Variants in FGF12 observed in about 807,000 individuals in gnomAD.
FGF12 encodes fibroblast growth factor 12B.
Under a neutral mutation model 23.6 loss-of-function variants are expected in FGF12, and 14 were observed. The observed-to-expected ratio is 0.59, with a 90% CI of 0.39 to 0.93. The LOEUF (loss-of-function observed/expected upper bound fraction) is 0.93. Among genes scored for constraint, FGF12 ranks in the 40% least tolerant of loss-of-function variants. FGF12 has a pLI of 0.00. For synonymous variants in FGF12, 62 were observed against 77.3 expected (o/e 0.80, Z 1.04); for missense variants, 175 against 217.8 (o/e 0.80, Z 1.24).
chr3:192,435,264 T>C (rs1192950029), intron 2 of FGF12, among the ~76,000 whole-genome samples: 1 of 152,052 alleles, frequency 6.6e-6, no homozygotes, highest in Admixed American at 6.6e-5. Context: ...GCAACACTAG[T>C]TTTTTTTAAA....
In FGF12 at chr3:192,167,750, TA is replaced by T. The variant is rs1560175543; in HGVS notation, c.427+2707del. On this transcript the variant is annotated intron_variant, in intron 5 of 5. Transcript: ENST00000445105. ...TTATAGGTATATATATATATATATATATATATATATATATATATAAAATTTT... is the reference window on the plus strand; with the variant it reads ...TTATAGGTATATATATATATATATATTATATATATATATATATAAAATTTT... 5.7e-4 allele frequency among the ~76,000 whole-genome samples: 15 copies of T among 26,524 alleles called. 1 individual carries two copies. Among genetic ancestry groups the T allele is most frequent in the African/African-American group, 1.8e-3 (10 of 5,564 alleles). The allele number at this position is 26,524 out of a possible 152,430, so 17.4% of individuals were successfully genotyped here.
At chr3:192,195,050 G>A (rs763914228) in intron 4 of FGF12, among the ~76,000 whole-genome samples, 5 of 152,340 alleles carry the variant, frequency 3.3e-5, no homozygotes, top group Middle Eastern at 3.4e-3. Flanking sequence ...CATTGTGGTT[G>A]TCTTGGAGCC....
chr3:192,247,874 G>T (rs1275302175), intron 4 of FGF12, among the ~76,000 whole-genome samples: 1 of 152,144 alleles, frequency 6.6e-6, no homozygotes, highest in Non-Finnish European at 1.5e-5. Flanking sequence ...TAGTGTTCCT[G>T]ACATATGGTT....
chr3:192,359,484 T>C (rs1363390024), intron 3 of FGF12, among the ~76,000 whole-genome samples: 1 of 152,188 alleles, frequency 6.6e-6, no homozygotes, highest in Non-Finnish European at 1.5e-5. Context: ...TATTGTGTGC[T>C]CAACACTAAA....
At chr3:192,358,085 G>A (rs1577385306) in intron 3 of FGF12, among the ~76,000 whole-genome samples, 1 of 151,302 alleles carries the variant, frequency 6.6e-6, no homozygotes, top group South Asian at 2.1e-4. Context: ...ATATATTTAT[G>A]ATAATGTTCT....
At chr3:192,612,810 C>T (rs1714597251) in intron 2 of FGF12, among the ~76,000 whole-genome samples, 1 of 151,778 alleles carries the variant, frequency 6.6e-6, no homozygotes, top group Non-Finnish European at 1.5e-5. Flanking sequence ...TTAATGGAAA[C>T]CAAATAAATA....
At position 192,408,453 on chromosome 3, in the gene FGF12, GGCGGCCGGGGGGCGGGGC is replaced by G; in HGVS notation, c.14-47933_14-47916del. The G allele has an allele frequency of 7.3e-7, 1 of 1,370,468 alleles. No homozygotes were observed. Among genetic ancestry groups the G allele is most frequent in the Middle Eastern group, 2.7e-4 (1 of 3,646 alleles). The allele number at this position is 1,370,468 out of a possible 1,614,324, so 84.9% of individuals were successfully genotyped here. A position where few individuals can be genotyped will look rare whatever the true frequency, so the allele number is the denominator to read the frequency against. On this transcript the variant is annotated intron_variant, in intron 2 of 5. Coordinates refer to ENST00000445105, the MANE Select transcript of FGF12 (RefSeq NM_004113.6). The surrounding 1 kb of genome is among the most constrained non-coding windows in gnomAD (Gnocchi z 7.3). ...CCAGATGTAAACTTCCCCAACCTCT[GGCGGCCGGGGGGCGGGGC>G]GGGGCGGTCCCAGGCCCTCTTGCGA... is the stretch of plus-strand genomic sequence containing the variant.
intron 4 of FGF12, among the ~76,000 whole-genome samples, chr3:192,323,739 G>A (rs186648819): frequency 6.6e-6 from 1 of 152,224 alleles, no homozygotes; most frequent in Admixed American, 6.5e-5. Context: ...AAGTGTTTGA[G>A]GTAATGGATA....
intron 2 of FGF12, among the ~76,000 whole-genome samples, chr3:192,461,944 C>T (rs1305112736): frequency 2.0e-5 from 3 of 151,442 alleles, no homozygotes; most frequent in East Asian, 1.9e-4. Flanking sequence ...GAGCTGAGAT[C>T]GCACCACGGC....
intron 2 of FGF12, among the ~76,000 whole-genome samples, chr3:192,397,273 C>T (rs1196781688): frequency 6.6e-6 from 1 of 152,086 alleles, no homozygotes; most frequent in South Asian, 2.1e-4. Flanking sequence ...GGATAATGGC[C>T]CAGGGATTGT....
intron 2 of FGF12, among the ~76,000 whole-genome samples, chr3:192,390,841 T>C (rs1720257624): frequency 6.6e-6 from 1 of 152,204 alleles, no homozygotes; most frequent in Non-Finnish European, 1.5e-5. Context: ...TTGCTAAGTG[T>C]CTACTAGGTA....
intron 4 of FGF12, among the ~76,000 whole-genome samples, chr3:192,284,700 A>T (rs1277202903): frequency 1.3e-5 from 2 of 151,962 alleles, no homozygotes; most frequent in East Asian, 3.8e-4. Context: ...AAAGAACAAA[A>T]CTCCAAATCT....
At chr3:192,196,912 A>G (rs1393168871) in intron 4 of FGF12, among the ~76,000 whole-genome samples, 2 of 152,176 alleles carry the variant, frequency 1.3e-5, no homozygotes, top group Non-Finnish European at 2.9e-5. Context: ...AAATAACTTA[A>G]TAAGACAGTG....
intron 3 of FGF12, among the ~76,000 whole-genome samples, chr3:192,359,792 T>C (rs373175092): frequency 1.9e-4 from 28 of 150,888 alleles, no homozygotes; most frequent in East Asian, 9.7e-4. Context: ...CATTTTTATT[T>C]CCCCCCCCAA....
intron 4 of FGF12, among the ~76,000 whole-genome samples, chr3:192,181,885 C>T (rs1440952227): frequency 6.6e-6 from 1 of 152,024 alleles, no homozygotes; most frequent in Non-Finnish European, 1.5e-5. Context: ...GCTGGGATTA[C>T]AGACATGGGC....
rs989293436 is a variant in FGF12 at position 192,699,673 on chromosome 3, C to T, written c.13+27508G>A. ...GAAAGAGGTGCATTTCTCAATTTATCCTGAGCTTGACCTCCCATTCCAATT... is the reference window on the plus strand; with the variant it reads ...GAAAGAGGTGCATTTCTCAATTTATTCTGAGCTTGACCTCCCATTCCAATT... On this transcript the variant is annotated intron_variant, in intron 2 of 5. Coordinates refer to ENST00000445105, the MANE Select transcript of FGF12 (RefSeq NM_004113.6). Among the ~76,000 whole-genome samples, 5 of 152,162 alleles carry T rather than the reference C, an allele frequency of 3.3e-5. No individual in the cohort carries two copies. The South Asian group carries it at 6.2e-4, about 19-fold the overall frequency.
chr3:192,521,904 G>T (rs1299143733), intron 2 of FGF12, among the ~76,000 whole-genome samples: 1 of 152,126 alleles, frequency 6.6e-6, no homozygotes, highest in Non-Finnish European at 1.5e-5. Flanking sequence ...GAATATGTAA[G>T]AAATAATTTA....
intron 2 of FGF12, among the ~76,000 whole-genome samples, chr3:192,472,966 C>A (rs986738161): frequency 6.6e-6 from 1 of 152,180 alleles, no homozygotes; most frequent in Non-Finnish European, 1.5e-5. Context: ...AAGTCTCTCC[C>A]TATGTCTCTC....
rs149843819 is a variant in FGF12 at position 192,290,185 on chromosome 3, T to C, written c.228+45176A>G. ...GTGTAATGCAAAATTACTACGATAG[T>C]AAACTTCCAATTTCTTACCACAGAA... On this transcript the variant is annotated intron_variant, in intron 4 of 5. Transcript: ENST00000445105. 2.0e-5 allele frequency among the ~76,000 whole-genome samples: 3 copies of C among 152,314 alleles called. No individual in the cohort carries two copies. In the East Asian group the frequency reaches 5.8e-4, roughly 29 times the overall value.
Sources: gnomAD v4.1 joint callset for allele counts (sites outside exome capture counted in the v4.1 genomes callset) on GRCh38, gnomAD v4.1.1 for gene constraint, Gnocchi (gnomAD v3.1) non-coding constraint, MANE v1.5 for transcripts, NCBI Gene and HGNC (gene_info 2026-07-23, HGNC 2026-07-21) for gene names.